The following ZFPM2 variants were observed in gnomAD, a reference collection of about 807,000 sequenced individuals.
ZFPM2 encodes the protein zinc finger protein ZFPM2.
ZFPM2 carries 20 observed loss-of-function variants against 98.6 expected under a neutral mutation model. That is an observed-to-expected ratio of 0.20 (90% CI 0.14 to 0.29). The LOEUF (loss-of-function observed/expected upper bound fraction) is 0.29, where lower values mean the gene tolerates loss of function less well. Among genes scored for constraint, ZFPM2 ranks in the 10% least tolerant of loss-of-function variants. The probability of loss-of-function intolerance (pLI) is 1.00; values close to 1 mark genes in which losing one functional copy is unlikely to be tolerated. For synonymous variants in ZFPM2, 518 were observed against 502.7 expected (o/e 1.03, Z -0.41); for missense variants, 1,310 against 1,388.6 (o/e 0.94, Z 0.90).
chr8:105,505,193 TG>T (rs968282507), intron 3 of ZFPM2, among the ~76,000 whole-genome samples: 11 of 152,294 alleles, frequency 7.2e-5, no homozygotes, highest in Admixed American at 2.6e-4. Flanking sequence ...CAAGGTTAGC[TG>T]CTGTGAGAAT....
At chr8:105,376,744 T>G (rs967412903) in intron 1 of ZFPM2, among the ~76,000 whole-genome samples, 3 of 152,210 alleles carry the variant, frequency 2.0e-5, no homozygotes, top group Non-Finnish European at 4.4e-5. Flanking sequence ...TTCATCTATT[T>G]CTGTCCAGTT....
chr8:105,444,058 T>C (rs1185186067), intron 2 of ZFPM2, among the ~76,000 whole-genome samples: 2 of 152,240 alleles, frequency 1.3e-5, no homozygotes, highest in Non-Finnish European at 2.9e-5. Context: ...TTTATGTTTA[T>C]AGTACTTAAC....
intron 1 of ZFPM2, among the ~76,000 whole-genome samples, chr8:105,328,353 C>A (rs1812153468): frequency 6.6e-6 from 1 of 151,726 alleles, no homozygotes; most frequent in Non-Finnish European, 1.5e-5. Context: ...TGAAGAAAAA[C>A]AACAAAGTGA....
intron 5 of ZFPM2, among the ~76,000 whole-genome samples, chr8:105,688,763 A>G (rs1810806029): frequency 6.6e-6 from 1 of 152,156 alleles, no homozygotes. Flanking sequence ...AGGCTCAGAC[A>G]ATAAGTCTAG....
chr8:105,746,886 A>G (rs1162321060), intron 5 of ZFPM2, among the ~76,000 whole-genome samples: 1 of 152,060 alleles, frequency 6.6e-6, no homozygotes, highest in East Asian at 1.9e-4. Flanking sequence ...TTCCTGGAAT[A>G]GAACCAAAAG....
intron 3 of ZFPM2, among the ~76,000 whole-genome samples, chr8:105,555,724 G>A (rs934853894): frequency 3.9e-5 from 6 of 152,148 alleles, no homozygotes; most frequent in African/African-American, 1.4e-4. Context: ...AAATGCAATG[G>A]GAGTATTAGG....
chr8:105,496,505 A>G (rs1442883274), intron 3 of ZFPM2, among the ~76,000 whole-genome samples: 1 of 152,128 alleles, frequency 6.6e-6, no homozygotes, highest in Non-Finnish European at 1.5e-5. Context: ...ATAAAACAAA[A>G]ATAATATGCC....
At chr8:105,383,452 G>A (rs1810926483) in intron 1 of ZFPM2, among the ~76,000 whole-genome samples, 1 of 152,068 alleles carries the variant, frequency 6.6e-6, no homozygotes, top group Non-Finnish European at 1.5e-5. Context: ...CTTATGTGGT[G>A]TATTATTTTG....
chr8:105,441,161 AAAACAAAC>A (rs370677868), intron 2 of ZFPM2, among the ~76,000 whole-genome samples: 1 of 151,722 alleles, frequency 6.6e-6, no homozygotes, highest in Non-Finnish European at 1.5e-5. Context: ...TCTCAAAACA[AAAACAAAC>A]AAACAAACAA....
chr8:105,342,671 C>A (rs1195012198), intron 1 of ZFPM2, among the ~76,000 whole-genome samples: 4 of 150,830 alleles, frequency 2.7e-5, no homozygotes, highest in Non-Finnish European at 5.9e-5. Flanking sequence ...CAACAAAATT[C>A]TCCTAAAACA....
intron 4 of ZFPM2, among the ~76,000 whole-genome samples, chr8:105,599,685 C>T (rs921323392): frequency 2.6e-5 from 4 of 152,080 alleles, no homozygotes; most frequent in African/African-American, 4.8e-5. Flanking sequence ...AGGCTATTAC[C>T]GGTTAGCTCC....
At chr8:105,531,502 T>A (rs1586439873) in intron 3 of ZFPM2, among the ~76,000 whole-genome samples, 1 of 152,274 alleles carries the variant, frequency 6.6e-6, no homozygotes, top group East Asian at 1.9e-4. Context: ...CATATTGGAT[T>A]AAGGTCCCTC....
chr8:105,629,796 C>G (rs1816723530), intron 4 of ZFPM2, among the ~76,000 whole-genome samples: 1 of 152,192 alleles, frequency 6.6e-6, no homozygotes, highest in Non-Finnish European at 1.5e-5. Context: ...TTTCTGCTCT[C>G]AGTCCCCCAT....
intron 1 of ZFPM2, among the ~76,000 whole-genome samples, chr8:105,409,878 G>T (rs1332608490): frequency 6.6e-6 from 1 of 151,840 alleles, no homozygotes; most frequent in Non-Finnish European, 1.5e-5. Context: ...ATCAGGTGAT[G>T]CTAATGCTGC....
At chr8:105,458,248 G>A (rs189390789) in intron 3 of ZFPM2, among the ~76,000 whole-genome samples, 18 of 152,232 alleles carry the variant, frequency 1.2e-4, no homozygotes, top group African/African-American at 4.1e-4. Flanking sequence ...TTAATACAAG[G>A]TCACATACAA....
At chr8:105,430,131 T>A (rs1207554668) in intron 2 of ZFPM2, among the ~76,000 whole-genome samples, 1 of 152,170 alleles carries the variant, frequency 6.6e-6, no homozygotes, top group Non-Finnish European at 1.5e-5. Flanking sequence ...AGTTCTGACC[T>A]TTACTGTGGT....
chr8:105,727,199 T>A (rs1811831671), intron 5 of ZFPM2, among the ~76,000 whole-genome samples: 1 of 150,912 alleles, frequency 6.6e-6, no homozygotes, highest in Non-Finnish European at 1.5e-5. Context: ...GGTACAAGAG[T>A]ACACACCCTT....
At chr8:105,543,798 T>C (rs1360988947) in intron 3 of ZFPM2, among the ~76,000 whole-genome samples, 3 of 152,194 alleles carry the variant, frequency 2.0e-5, no homozygotes, top group Non-Finnish European at 2.9e-5. Flanking sequence ...CCAGGCGTAA[T>C]ACTACATCTT....
At chr8:105,756,692 GA>G (rs1025035821) in intron 5 of ZFPM2, among the ~76,000 whole-genome samples, 10 of 152,184 alleles carry the variant, frequency 6.6e-5, no homozygotes, top group Admixed American at 5.2e-4. Context: ...TAAGACGGGA[GA>G]GGGGGAAAAT....
Sources: allele counts gnomAD v4.1 joint callset (sites outside exome capture counted in the v4.1 genomes callset), GRCh38; gene constraint gnomAD v4.1.1; transcripts MANE v1.5; gene names NCBI Gene and HGNC (gene_info 2026-07-23, HGNC 2026-07-21).